Variants in CRCP observed in about 807,000 individuals in gnomAD.
CRCP encodes DNA-directed RNA polymerase III subunit RPC9.
CRCP carries 18 observed loss-of-function variants against 18.5 expected under a neutral mutation model. That is an observed-to-expected ratio of 0.97 (90% CI 0.67 to 1.44). CRCP has a LOEUF of 1.44. CRCP is among the 40% of genes most tolerant of loss of function. The probability of loss-of-function intolerance (pLI) is 0.00; values close to 1 mark genes in which losing one functional copy is unlikely to be tolerated. For missense variants in CRCP, 130 were observed against 176.4 expected, an observed-to-expected ratio of 0.74 and a Z score of 1.49; for synonymous variants, 53 against 62.9, an observed-to-expected ratio of 0.84 and a Z score of 0.75.
chr7:66,132,002 C>T (rs1450340986), intron 3 of CRCP, among the ~76,000 whole-genome samples: 1 of 11,058 alleles, frequency 9.0e-5, no homozygotes, highest in Admixed American at 1.2e-3. Flanking sequence ...CTCATGTGAT[C>T]CGCCCACCTC....
intron 1 of CRCP, 138 bp from the exon 2 acceptor site, chr7:66,127,566 T>G: frequency 1.1e-6 from 1 of 911,332 alleles, no homozygotes; most frequent in African/African-American, 1.7e-5. Flanking sequence ...TTAGGACATT[T>G]CTCAGTTTCA....
At chr7:66,128,641 AAG>A (rs1460568973) in intron 2 of CRCP, 2 of 152,114 alleles carry the variant, frequency 1.3e-5, no homozygotes, top group Non-Finnish European at 2.9e-5. Flanking sequence ...AAAATAAAAA[AAG>A]AGAGTGAGTT....
chr7:66,141,123 T>C lies in CRCP; in HGVS notation c.240-4320T>C, dbSNP rs564175437. On this transcript the variant is annotated intron_variant, in intron 4 of 5. Coordinates refer to ENST00000395326, the MANE Select transcript of CRCP (RefSeq NM_014478.5). The stretch of plus-strand genomic sequence containing the variant: ...GAGTTAACGCTTCAGGCAGCGTTGT[T>C]GTCCAACAGCCAGAAGAGGGAGCGG... 1.6e-4 allele frequency among the ~76,000 whole-genome samples: 25 copies of C among 152,344 alleles called. 1 individual carries two copies. The highest frequency in any genetic ancestry group is 3.4e-3 in the Middle Eastern group (1 of 294).
At chr7:66,149,791 A>G (rs994659371) in intron 5 of CRCP, among the ~76,000 whole-genome samples, 1 of 152,056 alleles carries the variant, frequency 6.6e-6, no homozygotes, top group African/African-American at 2.4e-5. Flanking sequence ...CAATGACTAC[A>G]TTATCCCTCA....
intron 2 of CRCP, chr7:66,130,094 ATTC>A: frequency 9.6e-6 from 1 of 103,862 alleles, no homozygotes; most frequent in Non-Finnish European, 1.7e-5. Flanking sequence ...GAGAAGCAGG[ATTC>A]TTTTTTTTTT....
chr7:66,117,939 TTCC>T (rs1399873436), intron 1 of CRCP, among the ~76,000 whole-genome samples: 1 of 152,130 alleles, frequency 6.6e-6, no homozygotes, highest in Non-Finnish European at 1.5e-5. Flanking sequence ...CTGGTATACT[TTCC>T]TCCTCGCCCT....
intron 2 of CRCP, chr7:66,128,688 G>A (rs1213357667): frequency 6.6e-6 from 1 of 152,156 alleles, no homozygotes; most frequent in Non-Finnish European, 1.5e-5. Context: ...TAGAAATTAA[G>A]AAATGTAGAA....
At chr7:66,121,295 A>C (rs745875964) in intron 1 of CRCP, among the ~76,000 whole-genome samples, 6 of 151,826 alleles carry the variant, frequency 4.0e-5, no homozygotes, top group Non-Finnish European at 7.4e-5. Flanking sequence ...AGGTGATTCT[A>C]CCGCCTCGGC....
At chr7:66,146,339 G>A (rs529217543) in intron 5 of CRCP, among the ~76,000 whole-genome samples, 2 of 152,162 alleles carry the variant, frequency 1.3e-5, no homozygotes, top group Admixed American at 1.3e-4. Flanking sequence ...ATGATCCAGG[G>A]AGATACCCGG....
At position 66,114,873 on chromosome 7, in the gene CRCP, G is replaced by C. The variant is rs763569257; in HGVS notation, c.-90G>C. On this transcript the variant is annotated 5_prime_UTR_variant, in exon 1 of 6. Coordinates refer to ENST00000395326, the MANE Select transcript of CRCP (RefSeq NM_014478.5). ...GCGAGCACCTTGGCGCGCGGAGCTG[G>C]CACCTTGGCGCTGTTGGTGGCGGCG... is the stretch of plus-strand genomic sequence containing the variant. 1.9e-5 allele frequency: 31 copies of C among 1,605,932 alleles called. No homozygotes were observed. In the South Asian group the frequency reaches 3.3e-4, roughly 17 times the overall value.
At chr7:66,129,901 G>A (rs1361679108) in intron 2 of CRCP, among the ~76,000 whole-genome samples, 1 of 152,040 alleles carries the variant, frequency 6.6e-6, no homozygotes, top group African/African-American at 2.4e-5. Flanking sequence ...AAACAGGAAT[G>A]AGACTAAGAT....
chr7:66,150,016 C>A (rs534771409), intron 5 of CRCP, among the ~76,000 whole-genome samples: 25 of 152,062 alleles, frequency 1.6e-4, no homozygotes, highest in Non-Finnish European at 2.8e-4. Context: ...CTGTGTTAGC[C>A]AGGATGGTCT....
intron 4 of CRCP, chr7:66,134,603 A>G: frequency 3.1e-6 from 1 of 324,716 alleles, no homozygotes; most frequent in Non-Finnish European, 5.5e-6. Context: ...ATACTGTATT[A>G]CTCTGCCTGC....
At chr7:66,124,926 A>T (rs933577194) in intron 1 of CRCP, among the ~76,000 whole-genome samples, 2 of 149,164 alleles carry the variant, frequency 1.3e-5, no homozygotes, top group Admixed American at 1.3e-4. Flanking sequence ...TTTTCCTCCC[A>T]ATTCAGGATC....
Position 66,115,782 on chromosome 7 carries a change from A to G in CRCP, c.8+812A>G, listed in dbSNP as rs181484934. On this transcript the variant is annotated intron_variant, in intron 1 of 5. Coordinates refer to ENST00000395326, the MANE Select transcript of CRCP (RefSeq NM_014478.5). ...CTCATGTTTAATGGTTATATGTACT[A>G]TGGCATTTCACATTTTTACATTTTT... 3.3e-5 allele frequency among the ~76,000 whole-genome samples: 5 copies of G among 152,240 alleles called. No individual in the cohort carries two copies. In the East Asian group the frequency reaches 9.7e-4, roughly 29 times the overall value.
Position 66,123,375 on chromosome 7 carries a change from G to C in CRCP, c.9-4329G>C, listed in dbSNP as rs114816502. ...ATACTAAAGTGTTAGCTGTAGAGCAGACAGTTCCTGCTTTGTAGAGATCAA... is the reference window on the plus strand; with the variant it reads ...ATACTAAAGTGTTAGCTGTAGAGCACACAGTTCCTGCTTTGTAGAGATCAA... On this transcript the variant is annotated intron_variant, in intron 1 of 5. Coordinates refer to ENST00000395326, the MANE Select transcript of CRCP (RefSeq NM_014478.5). 7.3e-3 allele frequency among the ~76,000 whole-genome samples: 1,112 copies of C among 152,328 alleles called. 14 individuals carry two copies. The highest frequency in any genetic ancestry group is 0.025 in the African/African-American group (1,041 of 41,568).
chr7:66,149,911 A>G (rs1176262925), intron 5 of CRCP, among the ~76,000 whole-genome samples: 5 of 151,888 alleles, frequency 3.3e-5, no homozygotes, highest in African/African-American at 9.7e-5. Context: ...GGTTCACACC[A>G]TTCTCCTGCC....
At position 66,146,019 on chromosome 7, in the gene CRCP, A is replaced by G. The variant is rs183742368; in HGVS notation, c.297+519A>G. Among the ~76,000 whole-genome samples the G allele has an allele frequency of 2.4e-3, 370 of 152,080 alleles. 2 individuals are homozygous for G. The highest frequency in any genetic ancestry group is 8.2e-3 in the African/African-American group (342 of 41,476). On this transcript the variant is annotated intron_variant, in intron 5 of 5. Transcript: ENST00000395326. ...TCATCTCACAGTCAGGGAGTCCCCA[A>G]GTTCTGTTGCTTCTGTCTTCGTTCT...
At chr7:66,148,052 C>T (rs1381831510) in intron 5 of CRCP, among the ~76,000 whole-genome samples, 1 of 151,438 alleles carries the variant, frequency 6.6e-6, no homozygotes, top group African/African-American at 2.4e-5. Flanking sequence ...TGAGCAAGAA[C>T]CTGTCTTTTA....
Sources: allele counts gnomAD v4.1 joint callset (sites outside exome capture counted in the v4.1 genomes callset), GRCh38; gene constraint gnomAD v4.1.1; transcripts MANE v1.5; gene names NCBI Gene and HGNC (gene_info 2026-07-23, HGNC 2026-07-21).